Variants in PCDH15 observed in about 807,000 individuals in gnomAD.
PCDH15 encodes protocadherin related 15.
Under a neutral mutation model 178.5 loss-of-function variants are expected in PCDH15, and 129 were observed. The ratio of observed to expected loss-of-function variants is 0.72; its 90% CI spans 0.63 to 0.84. The LOEUF is 0.84. Among genes scored for constraint, PCDH15 ranks in the 40% least tolerant of loss-of-function variants. PCDH15 has a pLI of 0.00. For synonymous variants in PCDH15, 800 were observed against 732.0 expected (o/e 1.09, Z -1.50); for missense variants, 2,230 against 2,099.9 (o/e 1.06, Z -1.21).
At chr10:54,655,232 G>A (rs955587693) in intron 2 of PCDH15, among the ~76,000 whole-genome samples, 1 of 135,142 alleles carries the variant, frequency 7.4e-6, no homozygotes, top group Non-Finnish European at 1.6e-5. Context: ...GAGGAAGGGA[G>A]GAAGGGAAAG....
chr10:54,369,395 A>G (rs1947310242), intron 4 of PCDH15, 120 bp from the exon 5 acceptor site: 2 of 897,402 alleles, frequency 2.2e-6, no homozygotes, highest in South Asian at 3.0e-5. Context: ...AATTATAATA[A>G]TCTCAAAGAA....
intron 20 of PCDH15, among the ~76,000 whole-genome samples, chr10:54,010,740 A>G (rs1589895169): frequency 6.6e-6 from 1 of 152,132 alleles, no homozygotes. Flanking sequence ...ACTCCAGCAC[A>G]CCACAGCCAC....
At chr10:55,606,799 AG>A (rs1449196866) in intron 2 of PCDH15, among the ~76,000 whole-genome samples, 7 of 147,150 alleles carry the variant, frequency 4.8e-5, no homozygotes, top group South Asian at 2.3e-4. Flanking sequence ...AAACCCTAGA[AG>A]AAAACCTAGG....
intron 1 of PCDH15, among the ~76,000 whole-genome samples, chr10:55,211,552 CCTCT>C (rs898220247): frequency 6.6e-6 from 1 of 152,020 alleles, no homozygotes; most frequent in Non-Finnish European, 1.5e-5. Context: ...GATTACTTTT[CCTCT>C]CTCTCTACCC....
At chr10:55,406,360 A>G (rs1351669366) in intron 2 of PCDH15, among the ~76,000 whole-genome samples, 1 of 152,170 alleles carries the variant, frequency 6.6e-6, no homozygotes, top group East Asian at 1.9e-4. Context: ...AAACTCACTG[A>G]AATATTTCAA....
chr10:54,944,470 A>G (rs1319113722), intron 2 of PCDH15, among the ~76,000 whole-genome samples: 1 of 151,938 alleles, frequency 6.6e-6, no homozygotes, highest in East Asian at 1.9e-4. Flanking sequence ...AATCAACTAA[A>G]GGGCAGTCAG....
In PCDH15 at chr10:54,756,436, ATGTT is replaced by A. The variant is rs150853590; in HGVS notation, c.-29+44485_-29+44488del. Among the ~76,000 whole-genome samples the A allele has an allele frequency of 7.5e-3, 1,143 of 152,234 alleles. 11 individuals carry two copies. The highest frequency in any genetic ancestry group is 0.026 in the African/African-American group (1,061 of 41,512). ...TATCTTGACTACAGTGCAGGACTCC[ATGTT>A]TGTTTGGCTCTCTGCTCAAATTAGA... On this transcript the variant is annotated intron_variant, in intron 1 of 37. Transcript: ENST00000644397.
rs532584552 is a variant in PCDH15 at position 54,372,754 on chromosome 10, A to C, written c.319-3479T>G. 2.0e-5 allele frequency among the ~76,000 whole-genome samples: 3 copies of C among 152,076 alleles called. No individual in the cohort carries two copies. The South Asian group carries it at 6.2e-4, about 31-fold the overall frequency. ...AAAAAGCTAGGTAGAAATTGTGTTC[A>C]TATAACTATTTAAAACTATTACCAT... is the stretch of plus-strand genomic sequence containing the variant. On this transcript the variant is annotated intron_variant, in intron 4 of 37. Coordinates refer to ENST00000644397, the MANE Select transcript of PCDH15 (RefSeq NM_001384140.1).
chr10:55,269,134 C>A (rs1019503223), intron 1 of PCDH15, among the ~76,000 whole-genome samples: 5 of 151,922 alleles, frequency 3.3e-5, no homozygotes, highest in African/African-American at 1.2e-4. Flanking sequence ...GGAACCTACC[C>A]CAAAATAAGA....
intron 2 of PCDH15, among the ~76,000 whole-genome samples, chr10:55,567,034 A>T (rs747297937): frequency 3.9e-5 from 6 of 151,996 alleles, no homozygotes; most frequent in Non-Finnish European, 7.4e-5. Flanking sequence ...CAAACTTACT[A>T]TAAAGCTACA....
At chr10:54,728,500 C>A (rs910020038) in intron 1 of PCDH15, among the ~76,000 whole-genome samples, 1 of 151,144 alleles carries the variant, frequency 6.6e-6, no homozygotes, top group Non-Finnish European at 1.5e-5. Flanking sequence ...TCGGCACATG[C>A]TGGAAGAATT....
chr10:54,365,216 A>G (rs1027025534), intron 5 of PCDH15, among the ~76,000 whole-genome samples: 1 of 152,116 alleles, frequency 6.6e-6, no homozygotes, highest in African/African-American at 2.4e-5. Flanking sequence ...TTCAAATTAT[A>G]TGACCTCCCA....
At chr10:55,009,598 T>C (rs1475922165) in intron 2 of PCDH15, among the ~76,000 whole-genome samples, 2 of 152,160 alleles carry the variant, frequency 1.3e-5, no homozygotes, top group African/African-American at 4.8e-5. Flanking sequence ...ATTTCAATTT[T>C]TCATTAATGG....
chr10:53,974,710 C>T (rs557407327), intron 21 of PCDH15, among the ~76,000 whole-genome samples: 327 of 152,140 alleles, frequency 2.1e-3, no homozygotes, highest in African/African-American at 7.4e-3. Context: ...TTAGCTGATT[C>T]GTTTACCTAT....
Position 55,303,104 on chromosome 10 carries a change from T to C in PCDH15, c.-156+16495A>G, listed in dbSNP as rs199551661. 2.1e-3 allele frequency among the ~76,000 whole-genome samples: 236 copies of C among 114,902 alleles called. 1 individual carries two copies. The East Asian group carries it at 0.023, about 11-fold the overall frequency. 75.4% of individuals were successfully genotyped at this position (114,902 alleles called of 152,430 possible). A position where few individuals can be genotyped will look rare whatever the true frequency, so the allele number is the denominator to read the frequency against. On this transcript the variant is annotated intron_variant, in intron 1 of 5. Transcript: ENST00000458638. ...TATTTGAGATATATATATATATATATACACACACACACGGAAATGTTTTTG... is the reference window on the plus strand; with the variant it reads ...TATTTGAGATATATATATATATATACACACACACACACGGAAATGTTTTTG...
intron 1 of PCDH15, among the ~76,000 whole-genome samples, chr10:55,222,705 C>A: frequency 1.5e-5 from 1 of 65,792 alleles, no homozygotes; most frequent in South Asian, 6.2e-4. Flanking sequence ...AATTTTATAT[C>A]TTTATACACA....
chr10:54,694,573 T>C (rs2095187438), intron 1 of PCDH15, among the ~76,000 whole-genome samples: 1 of 152,166 alleles, frequency 6.6e-6, no homozygotes, highest in Admixed American at 6.6e-5. Flanking sequence ...TCTCTGTGTC[T>C]ATGTTTTGGA....
chr10:55,437,150 C>A (rs2132063876), intron 2 of PCDH15, among the ~76,000 whole-genome samples: 2 of 152,184 alleles, frequency 1.3e-5, no homozygotes, highest in South Asian at 4.1e-4. Context: ...CACACATCAA[C>A]AGGAAAATCA....
chr10:54,633,280 G>A (rs1180807600), intron 2 of PCDH15, among the ~76,000 whole-genome samples: 2 of 152,044 alleles, frequency 1.3e-5, no homozygotes, highest in African/African-American at 4.8e-5. Context: ...GAATGCCTTG[G>A]GTTTTAAGCA....
Sources: allele counts gnomAD v4.1 joint callset (sites outside exome capture counted in the v4.1 genomes callset), GRCh38; gene constraint gnomAD v4.1.1; transcripts MANE v1.5; gene names NCBI Gene and HGNC (gene_info 2026-07-23, HGNC 2026-07-21).